Variants in WFDC2 observed in about 807,000 individuals in gnomAD.
WFDC2 encodes the protein WAP four-disulfide core domain 2.
Under a neutral mutation model 12.5 loss-of-function variants are expected in WFDC2, and 8 were observed. The ratio of observed to expected loss-of-function variants is 0.64; its 90% confidence interval spans 0.37 to 1.15. The LOEUF (loss-of-function observed/expected upper bound fraction) is 1.15. WFDC2 is among the 50% of genes most tolerant of loss of function. The pLI, the probability that WFDC2 is intolerant of heterozygous loss-of-function variation, is 0.01. For synonymous variants in WFDC2, 74 were observed against 67.2 expected, an observed-to-expected ratio of 1.10 and a Z score of -0.49; for missense variants, 166 against 159.9, an observed-to-expected ratio of 1.04 and a Z score of -0.21.
chr20:45,471,784 A>G (rs1183391791), intron 2 of WFDC2, among the ~76,000 whole-genome samples: 1 of 152,210 alleles, frequency 6.6e-6, no homozygotes, highest in African/African-American at 2.4e-5. Context: ...GGACAAGGTC[A>G]GATGGCCTCC....
rs1400061689 is a variant in WFDC2, at chr20:45,470,369, T to C, written c.80-20T>C. 1.3e-6 allele frequency: 2 copies of C among 1,569,300 alleles called. No homozygotes were observed. Among genetic ancestry groups the C allele is most frequent in the Middle Eastern group, 3.4e-4 (2 of 5,952 alleles). On this transcript the variant is annotated intron_variant, in intron 1 of 3. Coordinates refer to ENST00000372676, the MANE Select transcript of WFDC2 (RefSeq NM_006103.4). The surrounding 1 kb of genome is among the most constrained non-coding windows in gnomAD (Gnocchi z 5.4). ...TGGCGCTACGCCCCACCCTCGACTGTCCCGGGCCTCCCCTCCCAGGCACAG... is the reference window on the plus strand; with the variant it reads ...TGGCGCTACGCCCCACCCTCGACTGCCCCGGGCCTCCCCTCCCAGGCACAG...
chr20:45,470,435 C>T lies in WFDC2; in HGVS notation c.126C>T (p.Asp42=). The change falls in exon 2 of 4, where the codon GAC becomes GAT. Residue 42 remains aspartate, a synonymous_variant. Transcript: ENST00000372676. The surrounding 1 kb of genome is among the most constrained non-coding windows in gnomAD (Gnocchi z 5.4). ...KTGVCPELQA[D]QNCTQECVSD... The stretch of plus-strand genomic sequence containing the variant: ...GCGTGTGCCCCGAGCTCCAGGCTGA[C>T]CAGAACTGCACGCAAGAGTGCGTCT... 1 of 1,594,104 alleles carries T rather than the reference C, an allele frequency of 6.3e-7. No individual in the cohort carries two copies.
Position 45,469,851 on chromosome 20 carries a change from C to A in WFDC2, c.70C>A (p.Leu24Ile), listed in dbSNP as rs773479617. The change falls in exon 1 of 4, where the codon CTA (leucine) becomes ATA (isoleucine). Residue 24 changes from leucine (L) to isoleucine (I), a missense_variant. Physicochemically the swap from Leu to Ile is conservative, Grantham distance 5 (BLOSUM62 2). Transcript: ENST00000372676. Reference protein sequence around the residue: ...LLSLLLFGFTLVSGTGAEKTG... With the variant: ...LLSLLLFGFTIVSGTGAEKTG... ...CAGCCTGCTGCTGTTCGGCTTCACCCTAGTCTCAGGTGAGTGGGGCGGGGA... is the reference window on the plus strand; with the variant it reads ...CAGCCTGCTGCTGTTCGGCTTCACCATAGTCTCAGGTGAGTGGGGCGGGGA... 1.2e-6 allele frequency: 2 copies of A among 1,609,240 alleles called. No homozygotes were observed. The highest frequency in any genetic ancestry group is 2.2e-5 in the South Asian group (2 of 89,962).
chr20:45,478,391 A>C (rs535250417), intron 2 of WFDC2, among the ~76,000 whole-genome samples: 1 of 152,214 alleles, frequency 6.6e-6, no homozygotes, highest in East Asian at 1.9e-4. Context: ...ACAGTCCCTC[A>C]TGGCTTCCCT....
intron 2 of WFDC2, among the ~76,000 whole-genome samples, chr20:45,476,027 T>C (rs1368225955): frequency 1.3e-5 from 2 of 152,180 alleles, no homozygotes; most frequent in Non-Finnish European, 2.9e-5. Context: ...TCCATTTGCT[T>C]GGTAAATATT....
intron 2 of WFDC2, among the ~76,000 whole-genome samples, chr20:45,471,864 T>G (rs1991176652): frequency 7.6e-6 from 1 of 131,240 alleles, no homozygotes; most frequent in African/African-American, 3.3e-5. Context: ...ATCCTGAGCA[T>G]GTTGTTTACC....
Position 45,470,562 on chromosome 20 carries a change from G to A in WFDC2, c.223+30G>A, listed in dbSNP as rs758484242. 1 of 1,560,484 alleles carries A rather than the reference G, an allele frequency of 6.4e-7. No homozygotes were observed. Among genetic ancestry groups the A allele is most frequent in the South Asian group, 1.2e-5 (1 of 85,266 alleles). On this transcript the variant is annotated intron_variant, in intron 2 of 3. Transcript: ENST00000372676. The surrounding 1 kb of genome is among the most constrained non-coding windows in gnomAD (Gnocchi z 5.4). ...CCCCACGGCGGCCGAGCGGGAACGG[G>A]GCGGGGCCGCGCTGGGCTGGGAGGA...
At chr20:45,473,051 T>TA (rs1227360600) in intron 2 of WFDC2, among the ~76,000 whole-genome samples, 3 of 152,224 alleles carry the variant, frequency 2.0e-5, no homozygotes, top group African/African-American at 7.2e-5. Flanking sequence ...CTCGTAAATT[T>TA]GTTTGAGTTC....
chr20:45,471,031 G>A, intron 2 of WFDC2: 1 of 419,484 alleles, frequency 2.4e-6, no homozygotes, highest in Non-Finnish European at 5.0e-6. Context: ...TTAGGAAAAT[G>A]CCCCGCTCAT....
At chr20:45,476,597 C>T (rs1382941138) in intron 2 of WFDC2, among the ~76,000 whole-genome samples, 1 of 152,140 alleles carries the variant, frequency 6.6e-6, no homozygotes, top group African/African-American at 2.4e-5. Context: ...TCTGGGTGCC[C>T]TTAACATTTT....
chr20:45,480,042 A>G lies in WFDC2; in HGVS notation c.324A>G (p.Lys108=). 3.7e-6 allele frequency: 6 copies of G among 1,614,140 alleles called. No individual in the cohort carries two copies. The highest frequency in any genetic ancestry group is 5.1e-6 in the Non-Finnish European group (6 of 1,180,022). Reference sequence around the variant, plus strand: ...ACAGCCAGTGTCCTGGCCAGATGAAATGCTGCCGCAATGGCTGTGGGAAGG... The same window carrying G: ...ACAGCCAGTGTCCTGGCCAGATGAAGTGCTGCCGCAATGGCTGTGGGAAGG... The part of the protein sequence containing the change: ...QVDSQCPGQM[K]CCRNGCGKVS... The change falls in exon 3 of 4, where the codon AAA becomes AAG. Residue 108 remains lysine (K), a synonymous_variant. Coordinates refer to ENST00000372676, the MANE Select transcript of WFDC2 (RefSeq NM_006103.4).
intron 2 of WFDC2, chr20:45,479,623 A>C (rs771771652): frequency 3.2e-6 from 5 of 1,547,586 alleles, no homozygotes; most frequent in South Asian, 1.1e-5. Flanking sequence ...CTTTCACAAC[A>C]ACCCTATGTT....
chr20:45,481,161 AG>A (rs1600850266), intron 3 of WFDC2, among the ~76,000 whole-genome samples: 1 of 151,926 alleles, frequency 6.6e-6, no homozygotes, highest in Non-Finnish European at 1.5e-5. Context: ...CAGTATACCC[AG>A]GTACCTGCTA....
At position 45,480,052 on chromosome 20, in the gene WFDC2, A is replaced by G; in HGVS notation, c.334A>G (p.Asn112Asp). ...QCPGQMKCCR[N>D]GCGKVSCVTP... ...TCCTGGCCAGATGAAATGCTGCCGC[A>G]ATGGCTGTGGGAAGGTGTCCTGTGT... Residue 112 changes from asparagine (N) to aspartate (D), a missense_variant, in exon 3 of 4, where the codon AAT becomes GAT. Transcript: ENST00000372676. The G allele has an allele frequency of 6.2e-7, 1 of 1,614,186 alleles. No individual in the cohort carries two copies. Among genetic ancestry groups the G allele is most frequent in the Non-Finnish European group, 8.5e-7 (1 of 1,180,034 alleles).
intron 2 of WFDC2, among the ~76,000 whole-genome samples, chr20:45,477,792 G>A (rs7267749): frequency 0.04 from 6,030 of 152,310 alleles, 237 homozygotes; most frequent in East Asian, 0.19. Flanking sequence ...TCTGTCCCAG[G>A]GAGATGGGAG....
intron 2 of WFDC2, chr20:45,471,143 T>C: frequency 2.1e-6 from 1 of 471,354 alleles, no homozygotes; most frequent in Non-Finnish European, 4.4e-6. Flanking sequence ...GTTCAGCTTT[T>C]GCCTTTCAGG....
chr20:45,473,322 A>G (rs920103671), intron 2 of WFDC2, among the ~76,000 whole-genome samples: 1 of 152,248 alleles, frequency 6.6e-6, no homozygotes, highest in South Asian at 2.1e-4. Context: ...TAGGTCTTAC[A>G]TTTAAGTCTT....
chr20:45,472,283 G>C (rs530910844), intron 2 of WFDC2, among the ~76,000 whole-genome samples: 1 of 152,094 alleles, frequency 6.6e-6, no homozygotes, highest in East Asian at 1.9e-4. Context: ...CCAACCCCCC[G>C]ACAGGCCCTG....
rs1991299906 is a variant in WFDC2 at position 45,481,426 on chromosome 20, A to G, written c.*57A>G. The G allele has an allele frequency of 1.3e-5, 2 of 152,460 alleles. No individual in the cohort carries two copies. The highest frequency in any genetic ancestry group is 4.8e-5 in the African/African-American group (2 of 41,494). The allele number at this position is 152,460 out of a possible 1,614,324, so 9.4% of individuals were successfully genotyped here. Reference sequence around the variant, plus strand: ...AGAGAAAGTTTCTGCCTGGCCCTGCATCTGGTTCCAGCCCACCTGCCCTCC... The same window carrying G: ...AGAGAAAGTTTCTGCCTGGCCCTGCGTCTGGTTCCAGCCCACCTGCCCTCC... On this transcript the variant is annotated 3_prime_UTR_variant, in exon 4 of 4. Coordinates refer to ENST00000372676, the MANE Select transcript of WFDC2 (RefSeq NM_006103.4).
Sources: gnomAD v4.1 joint callset for allele counts (sites outside exome capture counted in the v4.1 genomes callset) on GRCh38, gnomAD v4.1.1 for gene constraint, Gnocchi (gnomAD v3.1) non-coding constraint, MANE v1.5 for transcripts, NCBI Gene and HGNC (gene_info 2026-07-23, HGNC 2026-07-21) for gene names.